The following ROBO2 variants were observed in gnomAD, a reference collection of about 807,000 sequenced individuals.
The protein encoded by ROBO2 is roundabout guidance receptor 2, also known as roundabout homolog 2.
Under a neutral mutation model 160.8 loss-of-function variants are expected in ROBO2, and 53 were observed. The ratio of observed to expected loss-of-function variants is 0.33; its 90% CI spans 0.26 to 0.41. The LOEUF (loss-of-function observed/expected upper bound fraction) is 0.41. Ranked by LOEUF, ROBO2 falls within the 10% of genes least tolerant of loss-of-function variation. The pLI is 1.00. For missense variants in ROBO2, 1,577 were observed against 1,722.4 expected, an observed-to-expected ratio of 0.92 and a Z score of 1.49; for synonymous variants, 664 against 611.7, an observed-to-expected ratio of 1.09 and a Z score of -1.26.
At chr3:76,047,400 G>T (rs1418283941) in intron 2 of ROBO2, among the ~76,000 whole-genome samples, 1 of 152,102 alleles carries the variant, frequency 6.6e-6, no homozygotes, top group African/African-American at 2.4e-5. Flanking sequence ...ATTTCTCTCT[G>T]TCTGTCTTGT....
chr3:76,925,996 G>A (rs1363769018), intron 2 of ROBO2, among the ~76,000 whole-genome samples: 1 of 152,172 alleles, frequency 6.6e-6, no homozygotes, highest in Non-Finnish European at 1.5e-5. Flanking sequence ...CAACTGCCAT[G>A]CTACCAATTG....
intron 2 of ROBO2, among the ~76,000 whole-genome samples, chr3:76,568,212 G>A (rs1261785491): frequency 6.6e-6 from 1 of 151,892 alleles, no homozygotes; most frequent in Non-Finnish European, 1.5e-5. Context: ...CACTTTCATC[G>A]ACATCTATTT....
At chr3:76,494,328 T>G (rs933659346) in intron 2 of ROBO2, among the ~76,000 whole-genome samples, 1 of 152,208 alleles carries the variant, frequency 6.6e-6, no homozygotes, top group African/African-American at 2.4e-5. Context: ...GAGAAAGGCA[T>G]ACACATTTAC....
chr3:76,196,172 G>T (rs548607244), intron 2 of ROBO2, among the ~76,000 whole-genome samples: 1 of 152,172 alleles, frequency 6.6e-6, no homozygotes, highest in African/African-American at 2.4e-5. Flanking sequence ...TTTTAGCCAA[G>T]AAGCTAAAAT....
intron 2 of ROBO2, among the ~76,000 whole-genome samples, chr3:76,040,293 T>A (rs553069699): frequency 6.6e-6 from 1 of 151,972 alleles, no homozygotes; most frequent in African/African-American, 2.4e-5. Flanking sequence ...GGATGGTAAA[T>A]CTTTTCTGCA....
intron 2 of ROBO2, among the ~76,000 whole-genome samples, chr3:76,091,049 A>G (rs77460680): frequency 0.012 from 1,794 of 152,308 alleles, 32 homozygotes; most frequent in African/African-American, 0.04. Flanking sequence ...ATGACTTTTT[A>G]GAAACAGCTT....
At chr3:77,078,794 T>G (rs1444824466) in intron 1 of ROBO2, among the ~76,000 whole-genome samples, 1 of 152,168 alleles carries the variant, frequency 6.6e-6, no homozygotes, top group African/African-American at 2.4e-5. Context: ...ACCCCGCAAC[T>G]CACCAGTGCT....
intron 9 of ROBO2, among the ~76,000 whole-genome samples, chr3:77,559,635 A>G (rs1341096177): frequency 6.6e-6 from 1 of 152,094 alleles, no homozygotes; most frequent in Non-Finnish European, 1.5e-5. Context: ...AACTACACAT[A>G]TTTCCAAATG....
At chr3:77,493,202 T>C (rs780738626) in intron 4 of ROBO2, 42 bp from the exon 5 acceptor site, 5 of 1,605,020 alleles carry the variant, frequency 3.1e-6, no homozygotes, top group Non-Finnish European at 4.3e-6. Context: ...GCATGCATAA[T>C]AGTTTATCTC....
chr3:77,327,715 A>G (rs2065555583), intron 2 of ROBO2, among the ~76,000 whole-genome samples: 1 of 152,148 alleles, frequency 6.6e-6, no homozygotes, highest in Admixed American at 6.5e-5. Context: ...ATGAAATTTC[A>G]AAAACTATGT....
chr3:77,365,019 C>T (rs2070635211), intron 2 of ROBO2, among the ~76,000 whole-genome samples: 1 of 151,982 alleles, frequency 6.6e-6, no homozygotes, highest in Admixed American at 6.6e-5. Context: ...GTGGTGCATG[C>T]CTGTAATCCT....
chr3:77,120,258 T>C (rs1189850716), intron 2 of ROBO2, among the ~76,000 whole-genome samples: 3 of 152,172 alleles, frequency 2.0e-5, no homozygotes, highest in East Asian at 1.9e-4. Context: ...TGGAGAGATA[T>C]GGCAAAGAAC....
At position 76,600,113 on chromosome 3, in the gene ROBO2, T is replaced by C. The variant is rs538025840; in HGVS notation, c.110-497901T>C. Among the ~76,000 whole-genome samples, 5 of 152,354 alleles carry C rather than the reference T, an allele frequency of 3.3e-5. No individual in the cohort carries two copies. The South Asian group carries it at 1.0e-3, about 32-fold the overall frequency. On this transcript the variant is annotated intron_variant, in intron 2 of 26. Coordinates refer to the ROBO2 transcript ENST00000487694. ...TTTTGGCATCTTCATCATTAAATATTTGCCCATTCCTATGTACAGAATGGT... is the reference window on the plus strand; with the variant it reads ...TTTTGGCATCTTCATCATTAAATATCTGCCCATTCCTATGTACAGAATGGT...
At chr3:77,027,683 T>C (rs1400789949) in intron 2 of ROBO2, among the ~76,000 whole-genome samples, 1 of 152,148 alleles carries the variant, frequency 6.6e-6, no homozygotes, top group African/African-American at 2.4e-5. Context: ...GAAAGCCAGC[T>C]GTCGGACCGT....
intron 2 of ROBO2, among the ~76,000 whole-genome samples, chr3:76,241,360 A>C (rs1705272783): frequency 6.6e-6 from 1 of 152,242 alleles, no homozygotes; most frequent in African/African-American, 2.4e-5. Context: ...ATCAATAAAC[A>C]TATTCGCATT....
chr3:77,466,809 A>G (rs2082809036), intron 2 of ROBO2, among the ~76,000 whole-genome samples: 1 of 152,200 alleles, frequency 6.6e-6, no homozygotes, highest in Admixed American at 6.5e-5. Context: ...ACACCCTTGC[A>G]CTGTAGGGTG....
At chr3:77,301,650 A>G (rs2062666833) in intron 2 of ROBO2, among the ~76,000 whole-genome samples, 1 of 152,256 alleles carries the variant, frequency 6.6e-6, no homozygotes, top group South Asian at 2.1e-4. Context: ...AAAGTTAGGC[A>G]TAAACACTCC....
intron 1 of ROBO2, among the ~76,000 whole-genome samples, chr3:77,071,086 C>T (rs2067362572): frequency 6.6e-6 from 1 of 152,170 alleles, no homozygotes; most frequent in Admixed American, 6.6e-5. Flanking sequence ...GAAGGTTATG[C>T]TGTGAAAGGA....
chr3:77,563,122 A>G (rs768753472), intron 10 of ROBO2, 45 bp from the exon 12 acceptor site: 3 of 1,594,114 alleles, frequency 1.9e-6, no homozygotes, highest in Non-Finnish European at 2.6e-6. Context: ...AGTATTGTCA[A>G]CTTATGCAAT....
Sources: gnomAD v4.1 joint callset for allele counts (sites outside exome capture counted in the v4.1 genomes callset) on GRCh38, gnomAD v4.1.1 for gene constraint, MANE v1.5 for transcripts, NCBI Gene and HGNC (gene_info 2026-07-23, HGNC 2026-07-21) for gene names.